OTP: variants seen among roughly 807,000 people sequenced by gnomAD.
OTP encodes the protein homeobox protein orthopedia.
A neutral mutation model predicts 22.3 loss-of-function variants in OTP; 5 were observed. That is an observed-to-expected ratio of 0.22 (90% CI 0.12 to 0.47). OTP has a LOEUF of 0.47. Among genes scored for constraint, OTP ranks in the 20% least tolerant of loss-of-function variants. The pLI is 0.99. For missense variants in OTP, 428 were observed against 456.2 expected (o/e 0.94, Z 0.56); for synonymous variants, 229 against 210.6 (o/e 1.09, Z -0.76).
chr5:77,632,253 A>G (rs1744942255), intron 2 of OTP, among the ~76,000 whole-genome samples: 1 of 152,112 alleles, frequency 6.6e-6, no homozygotes, highest in Non-Finnish European at 1.5e-5. Context: ...ATCTCCCCCT[A>G]TTTGAATGTG....
At chr5:77,637,362 C>A (rs886307312) in intron 1 of OTP, 132 bp from the exon 2 acceptor site, 11 of 1,083,490 alleles carry the variant, frequency 1.0e-5, no homozygotes, top group Non-Finnish European at 1.4e-5. Context: ...AAGAAACTCC[C>A]AGGGTATTCA....
chr5:77,638,314 C>T (rs1185889697), intron 1 of OTP, among the ~76,000 whole-genome samples, 199 bp downstream of exon 1: 1 of 151,028 alleles, frequency 6.6e-6, no homozygotes, highest in East Asian at 1.9e-4. Context: ...TAACAACATT[C>T]CCCAACTCCT....
Position 77,637,021 on chromosome 5 carries a change from G to T in OTP, c.247C>A (p.Gln83Lys), listed in dbSNP as rs143794465. Residue 83 changes from glutamine (Q) to lysine (K), a missense_variant, in exon 2 of 3, where the codon CAG becomes AAG. Gln to Lys is a moderately conservative substitution (Grantham distance 53). This residue lies in a region of OTP where 176 missense variants were observed against 162.9 expected (regional missense o/e 1.08). Transcript: ENST00000306422. Reference sequence around the variant, plus strand: ...TTCGGGCCGCCCTGGGGCCCGGGCTGCTTGTCCGGGTCTTTGGCGCTCACC... The same window carrying T: ...TTCGGGCCGCCCTGGGGCCCGGGCTTCTTGTCCGGGTCTTTGGCGCTCACC... ...LAVSAKDPDK[Q>K]PGPQGGPNPS... is the part of the protein sequence containing the mutation. 7,820 of 1,612,934 alleles carry T rather than the reference G, an allele frequency of 4.8e-3. 22 individuals carry two copies. Among genetic ancestry groups the T allele is most frequent in the Non-Finnish European group, 6.1e-3 (7,250 of 1,179,634 alleles).
At chr5:77,633,425 T>C (rs1360892208) in intron 2 of OTP, among the ~76,000 whole-genome samples, 1 of 152,198 alleles carries the variant, frequency 6.6e-6, no homozygotes, top group African/African-American at 2.4e-5. Flanking sequence ...GATGCATATG[T>C]TTTTTAAATG....
At chr5:77,635,720 T>C (rs1744996134) in intron 2 of OTP, among the ~76,000 whole-genome samples, 1 of 152,208 alleles carries the variant, frequency 6.6e-6, no homozygotes, top group Non-Finnish European at 1.5e-5. Flanking sequence ...TAGGTAGCAC[T>C]GGTTTAACAA....
chr5:77,632,059 G>A (rs1057432133), intron 2 of OTP, among the ~76,000 whole-genome samples: 15 of 151,666 alleles, frequency 9.9e-5, no homozygotes, highest in African/African-American at 3.6e-4. Flanking sequence ...CTTTTTCAGG[G>A]AAATGAGTTT....
At chr5:77,637,256 A>G in intron 1 of OTP, 26 bp from the exon 2 acceptor site, 1 of 1,466,024 alleles carries the variant, frequency 6.8e-7, no homozygotes, top group Non-Finnish European at 9.0e-7. Context: ...GATCGCGGTC[A>G]CTACTTTCTT....
At position 77,636,812 on chromosome 5, in the gene OTP, C is replaced by G. The variant is rs369851245; in HGVS notation, c.447+9G>C. On this transcript the variant is annotated intron_variant, in intron 2 of 2. Transcript: ENST00000306422. ...TTGCCTTCTGTCCCAGATCCCAAGC[C>G]CCTCGTACCTGCACTCGGGACTCGG... The G allele has an allele frequency of 7.5e-6, 12 of 1,601,748 alleles. No homozygotes were observed. In the South Asian group the frequency reaches 1.3e-4, roughly 18 times the overall value.
At chr5:77,632,613 G>C (rs77616986) in intron 2 of OTP, among the ~76,000 whole-genome samples, 1 of 152,170 alleles carries the variant, frequency 6.6e-6, no homozygotes, top group African/African-American at 2.4e-5. Flanking sequence ...CAGTGTGAAC[G>C]GTGTTGCAGT....
In OTP at chr5:77,630,254, C is replaced by A. The variant is rs1243358958; in HGVS notation, c.*10G>T. The A allele has an allele frequency of 2.7e-6, 4 of 1,501,984 alleles. No homozygotes were observed. The highest frequency in any genetic ancestry group is 2.7e-6 in the Non-Finnish European group (3 of 1,129,410). 93.0% of individuals were successfully genotyped at this position (1,501,984 alleles called of 1,614,324 possible). On this transcript the variant is annotated 3_prime_UTR_variant, in exon 3 of 3. Coordinates refer to ENST00000306422, the MANE Select transcript of OTP (RefSeq NM_032109.3). ...GTGCTGGGGGCGGAGCGGGCCGGGG[C>A]GCGGCTGCATTAAGTGAAGCTCATA...
At chr5:77,633,966 G>T (rs1744969140) in intron 2 of OTP, among the ~76,000 whole-genome samples, 4 of 152,120 alleles carry the variant, frequency 2.6e-5, no homozygotes, top group African/African-American at 9.7e-5. Flanking sequence ...GGAAGAAAAT[G>T]CAATTTCTCA....
chr5:77,629,839 G>C lies in OTP; in HGVS notation c.*425C>G. The C allele has an allele frequency of 5.7e-6, 1 of 175,744 alleles. No homozygotes were observed. The highest frequency in any genetic ancestry group is 6.3e-5 in the Admixed American group (1 of 15,854). The allele number at this position is 175,744 out of a possible 1,614,324, so 10.9% of individuals were successfully genotyped here. Reference sequence around the variant, plus strand: ...CGAAGTGTGGGGAAAGAGGGGACCGGAGGGGAGGCGGCGGGCGAGGGGGGT... The same window carrying C: ...CGAAGTGTGGGGAAAGAGGGGACCGCAGGGGAGGCGGCGGGCGAGGGGGGT... On this transcript the variant is annotated 3_prime_UTR_variant, in exon 3 of 3. Coordinates refer to ENST00000306422, the MANE Select transcript of OTP (RefSeq NM_032109.3).
Position 77,630,326 on chromosome 5 carries a change from T to C in OTP, c.916A>G (p.Thr306Ala). 6.4e-7 allele frequency: 1 copy of C among 1,565,940 alleles called. No homozygotes were observed. Among genetic ancestry groups the C allele is most frequent in the Non-Finnish European group, 8.6e-7 (1 of 1,159,338 alleles). The change falls in exon 3 of 3, where the codon ACC becomes GCC. Residue 306 changes from threonine (T) to alanine (A), a missense_variant. By Grantham distance (58) the Thr-to-Ala change is moderately conservative. This residue lies in a region of OTP where 236 missense variants were observed against 238.1 expected (regional missense o/e 0.99). Transcript: ENST00000306422. ...SPDSSDVWRG[T>A]SIASLRRKAL... ...TTGCGGCGGAGGGAGGCGATGCTGGTGCCCCGCCACACGTCGCTGCTGTCC... is the reference window on the plus strand; with the variant it reads ...TTGCGGCGGAGGGAGGCGATGCTGGCGCCCCGCCACACGTCGCTGCTGTCC...
chr5:77,632,031 C>G (rs1449156840), intron 2 of OTP, among the ~76,000 whole-genome samples: 1 of 152,084 alleles, frequency 6.6e-6, no homozygotes, highest in Non-Finnish European at 1.5e-5. Context: ...TAATTTTGCT[C>G]AGACAAACCC....
intron 2 of OTP, 34 bp from the exon 3 acceptor site, chr5:77,630,828 C>A: frequency 6.7e-7 from 1 of 1,494,250 alleles, no homozygotes; most frequent in Non-Finnish European, 8.8e-7. Flanking sequence ...AGACAGGGAG[C>A]TATTAGCCGG....
In OTP at chr5:77,637,117, G is replaced by C; in HGVS notation, c.151C>G (p.Pro51Ala). The change falls in exon 2 of 3, where the codon CCA (proline) becomes GCA (alanine). Residue 51 changes from proline to alanine, a missense_variant. Physicochemically the swap from Pro to Ala is conservative, Grantham distance 27. Around this residue, in one of 3 missense-constraint regions of OTP, gnomAD observed 176 missense variants for 162.9 expected, o/e 1.08. Transcript: ENST00000306422. ...GGCAGCAGAGTGGCTCCCTCCACTG[G>C]GTCAGAGTTGGGCGCCAGGTCCCCC... Reference protein sequence around the residue: ...HPGDLAPNSDPVEGATLLPGE... With the variant: ...HPGDLAPNSDAVEGATLLPGE... 1 of 1,610,178 alleles carries C rather than the reference G, an allele frequency of 6.2e-7. No homozygotes were observed. The highest frequency in any genetic ancestry group is 8.5e-7 in the Non-Finnish European group (1 of 1,178,382).
At chr5:77,631,842 C>T (rs575775043) in intron 2 of OTP, among the ~76,000 whole-genome samples, 32 of 152,092 alleles carry the variant, frequency 2.1e-4, no homozygotes, top group Non-Finnish European at 2.9e-4. Context: ...GGATTACAGA[C>T]GTGAGCCACC....
rs913225401 is a variant in OTP at position 77,637,310 on chromosome 5, A to T, written c.38-80T>A. Reference sequence around the variant, plus strand: ...TGTCTTCCCCGCGCAGCCTTCCTTCAACCCGTCCTCGGCCCCCTCCGCACC... The same window carrying T: ...TGTCTTCCCCGCGCAGCCTTCCTTCTACCCGTCCTCGGCCCCCTCCGCACC... On this transcript the variant is annotated intron_variant, in intron 1 of 2. Transcript: ENST00000306422. The T allele has an allele frequency of 1.1e-5, 16 of 1,428,690 alleles. No individual in the cohort carries two copies. In the East Asian group the frequency reaches 4.0e-4, roughly 36 times the overall value. The allele number at this position is 1,428,690 out of a possible 1,614,324, so 88.5% of individuals were successfully genotyped here. A position where few individuals can be genotyped will look rare whatever the true frequency, so the allele number is the denominator to read the frequency against.
chr5:77,633,152 AAG>A (rs1368452267), intron 2 of OTP, among the ~76,000 whole-genome samples: 3 of 152,208 alleles, frequency 2.0e-5, no homozygotes, highest in African/African-American at 2.4e-5. Flanking sequence ...AGAAAAAAGA[AAG>A]AGGGGGAGGA....
Sources: gnomAD v4.1 joint callset for allele counts (sites outside exome capture counted in the v4.1 genomes callset) on GRCh38, gnomAD v4.1.1 for gene constraint, gnomAD v4.1.1 regional missense constraint, MANE v1.5 for transcripts, NCBI Gene and HGNC (gene_info 2026-07-23, HGNC 2026-07-21) for gene names.